The following DIAPH2 variants were observed in gnomAD, a reference collection of about 807,000 sequenced individuals.
The protein encoded by DIAPH2 is protein diaphanous homolog 2.
In DIAPH2, 35 loss-of-function variants were observed where a neutral mutation model predicts 92.7. The ratio of observed to expected loss-of-function variants is 0.38; its 90% CI spans 0.29 to 0.50. The LOEUF (loss-of-function observed/expected upper bound fraction) is 0.50. Ranked by LOEUF, DIAPH2 falls within the 20% of genes least tolerant of loss-of-function variation. The pLI, the probability that DIAPH2 is intolerant of heterozygous loss-of-function variation, is 0.94. For synonymous variants in DIAPH2, 301 were observed against 280.4 expected, an observed-to-expected ratio of 1.07 and a Z score of -0.73; for missense variants, 701 against 819.5, an observed-to-expected ratio of 0.86 and a Z score of 1.77.
intron 20 of DIAPH2, among the ~76,000 whole-genome samples, chrX:97,102,524 G>C (rs886889058): frequency 8.9e-6 from 1 of 112,236 alleles, no homozygotes; most frequent in Non-Finnish European, 1.9e-5. Context: ...AGTATGGATA[G>C]AAACAAAATA....
At chrX:96,936,467 C>A (rs2065658706) in intron 10 of DIAPH2, among the ~76,000 whole-genome samples, 1 of 111,714 alleles carries the variant, frequency 9.0e-6, no homozygotes. Flanking sequence ...TTGAAAGCTG[C>A]AACTTAATGG....
intron 4 of DIAPH2, among the ~76,000 whole-genome samples, chrX:96,872,559 T>G (rs1009440505): frequency 2.9e-5 from 3 of 104,309 alleles, no homozygotes; most frequent in Admixed American, 1.0e-4. Context: ...TGGTGTGATC[T>G]CGGCTCACTG....
chrX:97,146,733 C>T (rs1053732449), intron 22 of DIAPH2, among the ~76,000 whole-genome samples: 2 of 111,740 alleles, frequency 1.8e-5, no homozygotes, highest in East Asian at 5.6e-4. Context: ...ATAAACTTGG[C>T]ATATTTTTCT....
chrX:97,361,928 G>C (rs1402097847), intron 24 of DIAPH2, among the ~76,000 whole-genome samples: 1 of 112,093 alleles, frequency 8.9e-6, no homozygotes, highest in Non-Finnish European at 1.9e-5. Context: ...ATTAATCCAT[G>C]GCTTTGCCAG....
At chrX:97,238,424 T>C (rs1165882824) in intron 22 of DIAPH2, among the ~76,000 whole-genome samples, 2 of 111,891 alleles carry the variant, frequency 1.8e-5, no homozygotes, top group East Asian at 2.8e-4. Flanking sequence ...ATGAATCCAG[T>C]TGAGAAAAAC....
intron 16 of DIAPH2, among the ~76,000 whole-genome samples, chrX:96,961,292 G>A (rs2065845847): frequency 9.1e-6 from 1 of 109,601 alleles, no homozygotes; most frequent in African/African-American, 3.3e-5. Context: ...TGGCTTTTCA[G>A]CTTGTTAATG....
intron 26 of DIAPH2, among the ~76,000 whole-genome samples, chrX:97,452,023 A>C (rs2070363207): frequency 8.9e-6 from 1 of 111,880 alleles, no homozygotes; most frequent in Non-Finnish European, 1.9e-5. Flanking sequence ...CAACTCTAGC[A>C]GTTCAGTTGT....
intron 4 of DIAPH2, among the ~76,000 whole-genome samples, chrX:96,773,333 TA>T (rs1338985855): frequency 9.0e-4 from 84 of 93,709 alleles, no homozygotes; most frequent in Admixed American, 1.2e-3. Context: ...AGTGTTAAGT[TA>T]AAAAAAAAAA....
At chrX:97,062,419 G>A (rs910756358) in intron 17 of DIAPH2, among the ~76,000 whole-genome samples, 12 of 111,885 alleles carry the variant, frequency 1.1e-4, no homozygotes, top group African/African-American at 3.2e-4. Flanking sequence ...AGAGGTACAG[G>A]TCCTGAGGCC....
chrX:96,859,053 A>C (rs762828778), intron 4 of DIAPH2, among the ~76,000 whole-genome samples: 1 of 112,004 alleles, frequency 8.9e-6, no homozygotes, highest in South Asian at 3.7e-4. Flanking sequence ...AGATAAGTCA[A>C]TGGTTGACTA....
chrX:96,798,956 T>C (rs1411290299), intron 4 of DIAPH2, among the ~76,000 whole-genome samples: 1 of 111,505 alleles, frequency 9.0e-6, no homozygotes, highest in East Asian at 2.8e-4. Context: ...GTAGTTCTTC[T>C]GATAGTTGTT....
Position 96,809,529 on chromosome X carries a change from T to A in DIAPH2, c.447+51271T>A, listed in dbSNP as rs187382114. Among the ~76,000 whole-genome samples the A allele has an allele frequency of 9.0e-3, 982 of 109,355 alleles. 8 individuals carry two copies. The highest frequency in any genetic ancestry group is 0.015 in the Non-Finnish European group (768 of 52,290). 95.0% of individuals were successfully genotyped at this position (109,355 alleles called of 115,157 possible). A position where few individuals can be genotyped will look rare whatever the true frequency, so the allele number is the denominator to read the frequency against. The stretch of plus-strand genomic sequence containing the variant: ...TTCTTTCTTTCTTTCTTTTTTTTTT[T>A]AATCATACTTTAAGTTCTAGGGTAC... On this transcript the variant is annotated intron_variant, in intron 4 of 26. Transcript: ENST00000324765.
intron 17 of DIAPH2, among the ~76,000 whole-genome samples, chrX:97,034,269 G>A (rs766501981): frequency 1.8e-5 from 2 of 110,932 alleles, no homozygotes; most frequent in Admixed American, 9.6e-5. Context: ...GTTCCAACAA[G>A]CATTGTAGTC....
chrX:96,801,817 C>T (rs1179031949), intron 4 of DIAPH2, among the ~76,000 whole-genome samples: 1 of 111,637 alleles, frequency 9.0e-6, no homozygotes, highest in African/African-American at 3.2e-5. Context: ...AAAATCTCCC[C>T]ACCCTACATG....
chrX:96,816,252 C>A (rs1322683223), intron 4 of DIAPH2, among the ~76,000 whole-genome samples: 1 of 111,676 alleles, frequency 9.0e-6, no homozygotes, highest in Non-Finnish European at 1.9e-5. Context: ...AGCTTGTTTT[C>A]TCCTCTTGGC....
At chrX:97,339,674 CATTTT>C (rs2069096524) in intron 23 of DIAPH2, among the ~76,000 whole-genome samples, 1 of 112,108 alleles carries the variant, frequency 8.9e-6, no homozygotes, top group South Asian at 3.7e-4. Context: ...ATGCTGCACA[CATTTT>C]AGTTTATAAA....
chrX:97,323,679 G>A (rs1239116579), intron 23 of DIAPH2, among the ~76,000 whole-genome samples: 2 of 106,512 alleles, frequency 1.9e-5, no homozygotes, highest in African/African-American at 3.4e-5. Flanking sequence ...CGAGGTGGGC[G>A]GATCACCTGA....
intron 9 of DIAPH2, among the ~76,000 whole-genome samples, chrX:96,928,393 A>C (rs759442828): frequency 9.0e-6 from 1 of 111,360 alleles, no homozygotes; most frequent in Admixed American, 9.6e-5. Flanking sequence ...CATGTTTATA[A>C]TTAAGTAGTA....
At chrX:97,421,827 A>G (rs2070011804) in intron 25 of DIAPH2, among the ~76,000 whole-genome samples, 1 of 111,179 alleles carries the variant, frequency 9.0e-6, no homozygotes, top group Non-Finnish European at 1.9e-5. Context: ...GTTTCTTAAA[A>G]TGATATCCAA....
Sources: gnomAD v4.1 joint callset for allele counts (sites outside exome capture counted in the v4.1 genomes callset) on GRCh38, gnomAD v4.1.1 for gene constraint, MANE v1.5 for transcripts, NCBI Gene and HGNC (gene_info 2026-07-23, HGNC 2026-07-21) for gene names.